The following GPRC5B variants were observed in gnomAD, a reference collection of about 807,000 sequenced individuals.
The protein encoded by GPRC5B is G protein-coupled receptor family C group 5 member B.
A neutral mutation model predicts 30.1 loss-of-function variants in GPRC5B; 16 were observed. The observed-to-expected ratio is 0.53, with a 90% CI of 0.36 to 0.81. GPRC5B has a LOEUF of 0.81. Ranked by LOEUF, GPRC5B falls within the 30% of genes least tolerant of loss-of-function variation. The pLI, the probability that GPRC5B is intolerant of heterozygous loss-of-function variation, is 0.01. For synonymous variants in GPRC5B, 241 were observed against 239.5 expected (o/e 1.01, Z -0.06); for missense variants, 428 against 544.7 (o/e 0.79, Z 2.13).
chr16:19,866,544 AT>A (rs2056668516), intron 2 of GPRC5B, among the ~76,000 whole-genome samples: 1 of 151,534 alleles, frequency 6.6e-6, no homozygotes, highest in African/African-American at 2.4e-5. Flanking sequence ...TTATTTTATT[AT>A]TTTTTGTATT....
Position 19,874,645 on chromosome 16 carries a change from A to G in GPRC5B, c.-1-1799T>C, listed in dbSNP as rs1234936462. 4 of 152,258 alleles carry G rather than the reference A, an allele frequency of 2.6e-5. No homozygotes were observed. The East Asian group carries it at 5.8e-4, about 22-fold the overall frequency. The allele number at this position is 152,258 out of a possible 1,614,324, so 9.4% of individuals were successfully genotyped here. ...AGCATCGCTGGGTTCTACCCACTGG[A>G]TACCGGTAGCACGTCCCCTCCTCCA... On this transcript the variant is annotated intron_variant, in intron 1 of 3. Transcript: ENST00000300571.
At chr16:19,873,422 C>T (rs1202043877) in intron 1 of GPRC5B, among the ~76,000 whole-genome samples, 1 of 150,596 alleles carries the variant, frequency 6.6e-6, no homozygotes, top group Non-Finnish European at 1.5e-5. Flanking sequence ...TGAGCTCGTG[C>T]CACTAAACTC....
At chr16:19,885,223 A>G (rs1567213717), upstream of GPRC5B, 1 of 1,288,578 alleles carries the variant, frequency 7.8e-7, no homozygotes, top group South Asian at 1.2e-5. The surrounding 1 kb of genome is among the most constrained non-coding windows in gnomAD (Gnocchi z 5.3). Flanking sequence ...ATCGCGACCC[A>G]GGGGTCCCAG....
At chr16:19,882,496 G>A (rs1407122348) in intron 1 of GPRC5B, 1 of 152,238 alleles carries the variant, frequency 6.6e-6, no homozygotes, top group Admixed American at 6.5e-5. Context: ...CTGTATGAAA[G>A]CAGGGAGTGG....
chr16:19,865,387 G>A (rs956993913), intron 2 of GPRC5B, among the ~76,000 whole-genome samples: 11 of 152,190 alleles, frequency 7.2e-5, no homozygotes, highest in Non-Finnish European at 1.3e-4. Context: ...CATATGTACA[G>A]TAATTCCTCA....
chr16:19,864,008 A>G (rs1232838639), intron 2 of GPRC5B, among the ~76,000 whole-genome samples: 1 of 151,808 alleles, frequency 6.6e-6, no homozygotes, highest in Non-Finnish European at 1.5e-5. Context: ...GCTTTAGCCT[A>G]CTCACATTGG....
chr16:19,859,241 T>G lies in GPRC5B; in HGVS notation c.*1259A>C, dbSNP rs1474359788. 1.3e-5 allele frequency: 2 copies of G among 152,572 alleles called. No homozygotes were observed. The highest frequency in any genetic ancestry group is 2.9e-5 in the Non-Finnish European group (2 of 68,054). The allele number at this position is 152,572 out of a possible 1,614,324, so 9.5% of individuals were successfully genotyped here. On this transcript the variant is annotated 3_prime_UTR_variant, in exon 4 of 4. Coordinates refer to ENST00000300571, the MANE Select transcript of GPRC5B (RefSeq NM_016235.3). Reference sequence around the variant, plus strand: ...TGCTGGCCAAACAGTGCAGAGAACATGGGGGCTTTGAATGGCCGAGATGTT... The same window carrying G: ...TGCTGGCCAAACAGTGCAGAGAACAGGGGGGCTTTGAATGGCCGAGATGTT...
chr16:19,877,815 T>C (rs1249546296), intron 1 of GPRC5B, among the ~76,000 whole-genome samples: 2 of 152,276 alleles, frequency 1.3e-5, no homozygotes, highest in African/African-American at 4.8e-5. Context: ...ACAATTGTCC[T>C]ATTGCTTTTT....
chr16:19,878,420 C>T (rs2056777330), intron 1 of GPRC5B, among the ~76,000 whole-genome samples: 1 of 151,874 alleles, frequency 6.6e-6, no homozygotes, highest in African/African-American at 2.4e-5. Context: ...ATTATCCTGC[C>T]TCAGCCTCCC....
chr16:19,881,572 A>C (rs1243201363), intron 1 of GPRC5B, among the ~76,000 whole-genome samples: 1 of 152,194 alleles, frequency 6.6e-6, no homozygotes, highest in Non-Finnish European at 1.5e-5. Context: ...ACTTGAGGAC[A>C]GGAGTTTGAA....
intron 1 of GPRC5B, among the ~76,000 whole-genome samples, chr16:19,883,510 TG>T (rs1168314670): frequency 6.6e-6 from 1 of 152,266 alleles, no homozygotes; most frequent in African/African-American, 2.4e-5. Flanking sequence ...AAGAAACTTC[TG>T]AATTAAGAAG....
At chr16:19,865,748 A>T (rs895501519) in intron 2 of GPRC5B, among the ~76,000 whole-genome samples, 1 of 152,170 alleles carries the variant, frequency 6.6e-6, no homozygotes, top group African/African-American at 2.4e-5. Context: ...GCTGAAGATT[A>T]AAAAAAGGAG....
chr16:19,870,467 C>T (rs977276999), intron 2 of GPRC5B, among the ~76,000 whole-genome samples: 1 of 152,224 alleles, frequency 6.6e-6, no homozygotes, highest in East Asian at 1.9e-4. Context: ...CAGTCTCTTA[C>T]TATTTCTAGT....
Position 19,872,221 on chromosome 16 carries a change from C to A in GPRC5B, c.625G>T (p.Val209Leu). The A allele has an allele frequency of 1.2e-6, 2 of 1,614,186 alleles. No homozygotes were observed. The highest frequency in any genetic ancestry group is 1.7e-6 in the Non-Finnish European group (2 of 1,180,032). The change falls in exon 2 of 4, where the codon GTA (valine) becomes TTA (leucine). Residue 209 changes from valine (V) to leucine (L), a missense_variant. Physicochemically the swap from Val to Leu is conservative, Grantham distance 32. Transcript: ENST00000300571. The surrounding 1 kb of genome is among the most constrained non-coding windows in gnomAD (Gnocchi z 5.0). ...DFVMALIYDM[V>L]LLVVTLGLAL... is the part of the protein sequence containing the mutation. ...AGCCCCAGGGTGACCACAAGCAGTA[C>A]CATGTCGTAGATGAGGGCCATCACA... is the stretch of plus-strand genomic sequence containing the variant.
intron 2 of GPRC5B, among the ~76,000 whole-genome samples, chr16:19,863,675 G>A (rs901725137): frequency 1.3e-5 from 2 of 151,798 alleles, no homozygotes; most frequent in South Asian, 2.1e-4. Flanking sequence ...GCTAATTTTT[G>A]TGTTTTTAGT....
rs527749972 is a variant in GPRC5B at position 19,879,414 on chromosome 16, T to TCA, written c.-2+5311_-2+5312dup. 9.5e-3 allele frequency among the ~76,000 whole-genome samples: 1,430 copies of TCA among 150,176 alleles called. 24 individuals are homozygous for TCA. Among genetic ancestry groups the TCA allele is most frequent in the African/African-American group, 0.03 (1,221 of 40,772 alleles). On this transcript the variant is annotated intron_variant, in intron 1 of 3. Transcript: ENST00000300571. Reference sequence around the variant, plus strand: ...TAAATATACTGCATCTCTCTCTCTCTCACACACACACACACACCACACACA... The same window carrying TCA: ...TAAATATACTGCATCTCTCTCTCTCTCACACACACACACACACACCACACACA...
chr16:19,880,428 T>TAAATAAAATA (rs6145780), intron 1 of GPRC5B, among the ~76,000 whole-genome samples: 12,021 of 139,256 alleles, frequency 0.086, 710 homozygotes, highest in African/African-American at 0.14. Context: ...GTCTCTGTTA[T>TAAATAAAATA]AAATAAAATA....
chr16:19,883,923 G>T (rs1169525572), intron 1 of GPRC5B, among the ~76,000 whole-genome samples: 1 of 152,210 alleles, frequency 6.6e-6, no homozygotes, highest in African/African-American at 2.4e-5. Flanking sequence ...TCCCTTTTCG[G>T]CCTAAGCGCT....
intron 2 of GPRC5B, among the ~76,000 whole-genome samples, chr16:19,869,333 C>CAAAA (rs35252104): frequency 6.5e-5 from 4 of 61,962 alleles, no homozygotes; most frequent in African/African-American, 1.2e-4. Flanking sequence ...GACTCTGCCT[C>CAAAA]AAAAAAAAAA....
Sources: gnomAD v4.1 joint callset for allele counts (sites outside exome capture counted in the v4.1 genomes callset) on GRCh38, gnomAD v4.1.1 for gene constraint, Gnocchi (gnomAD v3.1) non-coding constraint, MANE v1.5 for transcripts, NCBI Gene and HGNC (gene_info 2026-07-23, HGNC 2026-07-21) for gene names.